RABGAP1L: variants seen among roughly 807,000 people sequenced by gnomAD.
RABGAP1L encodes rab GTPase-activating protein 1-like.
Under a neutral mutation model 137.7 loss-of-function variants are expected in RABGAP1L, and 63 were observed. The ratio of observed to expected loss-of-function variants is 0.46; its 90% CI spans 0.37 to 0.56. The LOEUF is 0.56. Among genes scored for constraint, RABGAP1L ranks in the 20% least tolerant of loss-of-function variants. RABGAP1L has a pLI of 0.00. For missense variants in RABGAP1L, 1,095 were observed against 1,244.0 expected (o/e 0.88, Z 1.80); for synonymous variants, 431 against 433.7 (o/e 0.99, Z 0.08).
At chr1:174,880,093 A>G (rs956167185) in intron 19 of RABGAP1L, among the ~76,000 whole-genome samples, 1 of 151,748 alleles carries the variant, frequency 6.6e-6, no homozygotes, top group South Asian at 2.1e-4. Context: ...AAAAAACACC[A>G]TAATATCTTT....
chr1:174,514,277 A>C (rs374280324), intron 13 of RABGAP1L, among the ~76,000 whole-genome samples: 2 of 124,182 alleles, frequency 1.6e-5, no homozygotes, highest in East Asian at 2.6e-4. Flanking sequence ...AAAACTGGGG[A>C]GGGATCTTCG....
chr1:174,861,560 C>A (rs1186231737), intron 19 of RABGAP1L, among the ~76,000 whole-genome samples: 1 of 152,138 alleles, frequency 6.6e-6, no homozygotes, highest in South Asian at 2.1e-4. Context: ...GGCCAATTTA[C>A]ATTTCCACCA....
intron 19 of RABGAP1L, among the ~76,000 whole-genome samples, chr1:174,920,309 C>CTCCTCCTGGATGTA (rs1323094806): frequency 3.3e-5 from 5 of 152,218 alleles, no homozygotes; most frequent in Admixed American, 3.3e-4. Flanking sequence ...TCATGTCTTA[C>CTCCTCCTGGATGTA]ATGGATGGCA....
intron 13 of RABGAP1L, among the ~76,000 whole-genome samples, chr1:174,517,437 G>C (rs974910837): frequency 3.9e-5 from 6 of 152,212 alleles, no homozygotes; most frequent in African/African-American, 7.2e-5. Context: ...GACTAGACCA[G>C]TGATAAAACA....
intron 18 of RABGAP1L, among the ~76,000 whole-genome samples, chr1:174,774,742 C>T (rs142797264): frequency 2.2e-4 from 34 of 151,896 alleles, no homozygotes; most frequent in African/African-American, 7.2e-4. Context: ...TAGCCAGGCA[C>T]GATGGCACGT....
chr1:174,417,735 C>T (rs1462713135), intron 13 of RABGAP1L, among the ~76,000 whole-genome samples: 1 of 151,244 alleles, frequency 6.6e-6, no homozygotes, highest in African/African-American at 2.4e-5. Context: ...TTTTAAGAAT[C>T]ACATATTAAT....
chr1:174,431,879 G>C (rs1400803158), intron 13 of RABGAP1L, among the ~76,000 whole-genome samples: 5 of 152,114 alleles, frequency 3.3e-5, no homozygotes, highest in African/African-American at 1.2e-4. Context: ...CATCTTTTAA[G>C]AATTTAGATG....
chr1:174,462,829 A>G (rs534712006), intron 13 of RABGAP1L, among the ~76,000 whole-genome samples: 1 of 152,164 alleles, frequency 6.6e-6, no homozygotes, highest in Non-Finnish European at 1.5e-5. Context: ...AATGGCCTCT[A>G]CCTACATCTG....
chr1:174,386,994 A>G (rs1333435786), intron 12 of RABGAP1L, among the ~76,000 whole-genome samples: 1 of 152,174 alleles, frequency 6.6e-6, no homozygotes, highest in East Asian at 1.9e-4. Flanking sequence ...TCAAATAGAG[A>G]TCTCCACTCA....
rs1207457153 is a variant in RABGAP1L, at chr1:174,991,336, T to G, written c.*1335T>G. 1 of 152,258 alleles carries G rather than the reference T, an allele frequency of 6.6e-6. No individual in the cohort carries two copies. The highest frequency in any genetic ancestry group is 1.5e-5 in the Non-Finnish European group (1 of 68,040). 9.4% of individuals were successfully genotyped at this position (152,258 alleles called of 1,614,324 possible). A position where few individuals can be genotyped will look rare whatever the true frequency, so the allele number is the denominator to read the frequency against. On this transcript the variant is annotated 3_prime_UTR_variant, in exon 26 of 26. Transcript: ENST00000681986. ...TATTAGATATGTACAATAACATTTGTTGATATTAATCATTGGCCTCATTGT... is the reference window on the plus strand; with the variant it reads ...TATTAGATATGTACAATAACATTTGGTGATATTAATCATTGGCCTCATTGT...
At chr1:174,878,434 C>T (rs1336735813) in intron 19 of RABGAP1L, among the ~76,000 whole-genome samples, 2 of 152,074 alleles carry the variant, frequency 1.3e-5, no homozygotes, top group Non-Finnish European at 2.9e-5. Context: ...CCATGTTGGT[C>T]AGGCTGGTCT....
rs927693711 is a variant in RABGAP1L at position 174,170,911 on chromosome 1, G to T, written c.-34+11254G>T. Reference sequence around the variant, plus strand: ...ATTGGATAATATTTGAGACACCAAAGAAATCTTTGAAATCTTGTACACATA... The same window carrying T: ...ATTGGATAATATTTGAGACACCAAATAAATCTTTGAAATCTTGTACACATA... On this transcript the variant is annotated intron_variant, in intron 1 of 25. Coordinates refer to ENST00000681986, the MANE Select transcript of RABGAP1L (RefSeq NM_001366446.1). 2.0e-5 allele frequency among the ~76,000 whole-genome samples: 3 copies of T among 152,164 alleles called. No homozygotes were observed. The East Asian group carries it at 5.8e-4, about 29-fold the overall frequency.
intron 4 of RABGAP1L, among the ~76,000 whole-genome samples, chr1:174,231,846 C>G (rs1290659323): frequency 6.6e-6 from 1 of 152,144 alleles, no homozygotes; most frequent in Non-Finnish European, 1.5e-5. Context: ...GGGGATGGTG[C>G]TAAACCATTC....
At chr1:174,889,849 G>T (rs1655828723) in intron 19 of RABGAP1L, among the ~76,000 whole-genome samples, 1 of 151,966 alleles carries the variant, frequency 6.6e-6, no homozygotes, top group Non-Finnish European at 1.5e-5. Flanking sequence ...CCCTCCTCAG[G>T]CTCCCAAGTA....
chr1:174,393,025 T>C (rs1207890118), intron 12 of RABGAP1L, among the ~76,000 whole-genome samples: 1 of 152,170 alleles, frequency 6.6e-6, no homozygotes, highest in East Asian at 1.9e-4. Context: ...TTCACAATAT[T>C]GAGATATGCA....
chr1:174,958,646 C>T (rs1043014732), intron 20 of RABGAP1L, among the ~76,000 whole-genome samples: 3 of 152,166 alleles, frequency 2.0e-5, no homozygotes, highest in African/African-American at 2.4e-5. Flanking sequence ...GCAGCATAGT[C>T]ACACAGAACA....
At chr1:174,437,894 A>T (rs1268051136) in intron 13 of RABGAP1L, among the ~76,000 whole-genome samples, 1 of 152,220 alleles carries the variant, frequency 6.6e-6, no homozygotes, top group Admixed American at 6.5e-5. Context: ...TACAAGCCAG[A>T]AGAGAGTGGG....
chr1:174,534,134 G>T (rs970769324), intron 13 of RABGAP1L, among the ~76,000 whole-genome samples: 4 of 13,142 alleles, frequency 3.0e-4, no homozygotes, highest in African/African-American at 2.9e-3. Context: ...GGTCAACTCT[G>T]TGTGTGTGTG....
intron 19 of RABGAP1L, among the ~76,000 whole-genome samples, chr1:174,948,559 C>G (rs1667253626): frequency 7.1e-6 from 1 of 140,564 alleles, no homozygotes; most frequent in Non-Finnish European, 1.5e-5. Context: ...CTTTGTAACA[C>G]AAAGGATCAA....
Sources: gnomAD v4.1 joint callset for allele counts (sites outside exome capture counted in the v4.1 genomes callset) on GRCh38, gnomAD v4.1.1 for gene constraint, MANE v1.5 for transcripts, NCBI Gene and HGNC (gene_info 2026-07-23, HGNC 2026-07-21) for gene names.